SEMA4F: variants seen among roughly 807,000 people sequenced by gnomAD.
SEMA4F encodes the protein ssemaphorin 4F, also known as semaphorin-4F.
Under a neutral mutation model 78.4 loss-of-function variants are expected in SEMA4F, and 51 were observed. That is an observed-to-expected ratio of 0.65 (90% CI 0.52 to 0.82). The LOEUF (loss-of-function observed/expected upper bound fraction) is 0.82. SEMA4F is among the 40% of genes least tolerant of loss of function. The probability of loss-of-function intolerance (pLI) is 0.00; values close to 1 mark genes in which losing one functional copy is unlikely to be tolerated. For missense variants in SEMA4F, 938 were observed against 1,014.4 expected, an observed-to-expected ratio of 0.92 and a Z score of 1.02; for synonymous variants, 418 against 408.7, an observed-to-expected ratio of 1.02 and a Z score of -0.27.
intron 5 of SEMA4F, among the ~76,000 whole-genome samples, chr2:74,671,743 T>C (rs1339791594): frequency 6.6e-6 from 1 of 152,238 alleles, no homozygotes; most frequent in Non-Finnish European, 1.5e-5. Flanking sequence ...AGTGGACTTA[T>C]TTCCTCTCCA....
chr2:74,685,672 T>C (rs1232286365), downstream of SEMA4F, among the ~76,000 whole-genome samples: 1 of 152,098 alleles, frequency 6.6e-6, no homozygotes, highest in Non-Finnish European at 1.5e-5. Flanking sequence ...GATTAAATTG[T>C]CAGAACGAGG....
chr2:74,704,749 C>T, the SEMA4F span, among the ~76,000 whole-genome samples: 3 of 152,102 alleles, frequency 2.0e-5, no homozygotes, highest in East Asian at 5.8e-4. Context: ...CCTAGCAGAA[C>T]CCCAGTTGCC....
At chr2:74,708,458 A>C in the SEMA4F span, among the ~76,000 whole-genome samples, 47 of 151,912 alleles carry the variant, frequency 3.1e-4, no homozygotes, top group African/African-American at 1.1e-3. Context: ...GGGACCTGGA[A>C]CTCTCACCCT....
At chr2:74,704,813 C>T in the SEMA4F span, among the ~76,000 whole-genome samples, 45 of 152,234 alleles carry the variant, frequency 3.0e-4, no homozygotes, top group Non-Finnish European at 4.7e-4. Flanking sequence ...TCTCCAAACC[C>T]GGCCCCATAA....
At chr2:74,707,715 C>T in the SEMA4F span, among the ~76,000 whole-genome samples, 1 of 152,126 alleles carries the variant, frequency 6.6e-6, no homozygotes, top group African/African-American at 2.4e-5. Flanking sequence ...CTCCAGCTTA[C>T]AGCCCTGAAG....
At chr2:74,687,939 A>G (rs1685854028), downstream of SEMA4F, among the ~76,000 whole-genome samples, 1 of 152,184 alleles carries the variant, frequency 6.6e-6, no homozygotes, top group African/African-American at 2.4e-5. Context: ...CTTTGCAAGC[A>G]TAAATTCCCT....
rs143338912 is a variant in SEMA4F at position 74,679,769 on chromosome 2, G to A, written c.1873G>A (p.Ala625Thr). 41 of 1,614,210 alleles carry A rather than the reference G, an allele frequency of 2.5e-5. No individual in the cohort carries two copies. The African/African-American group carries it at 3.7e-4, about 15-fold the overall frequency. ...EVVVTPGAMG[A>T]YACECQEGGA... Reference sequence around the variant, plus strand: ...GGTGGTGACCCCAGGGGCCATGGGCGCTTATGCCTGTGAATGTCAGGAGGG... The same window carrying A: ...GGTGGTGACCCCAGGGGCCATGGGCACTTATGCCTGTGAATGTCAGGAGGG... The change falls in exon 14 of 14, where the codon GCT (alanine) becomes ACT (threonine). Residue 625 changes from alanine to threonine, a missense_variant. By Grantham distance (58) the Ala-to-Thr change is moderately conservative. Transcript: ENST00000357877.
chr2:74,687,348 C>T (rs1233147591), downstream of SEMA4F, among the ~76,000 whole-genome samples: 1 of 152,240 alleles, frequency 6.6e-6, no homozygotes, highest in African/African-American at 2.4e-5. Flanking sequence ...CTCCCAGTTA[C>T]TTCCTATCAC....
chr2:74,674,415 GGGAGGAAACTTAAATT>G lies in SEMA4F; in HGVS notation c.823-80_823-65del, dbSNP rs1444635642. ...CATCTGTCTGTCTGCCCTGAAGTCAGGGAGGAAACTTAAATTGGTCTCCATGCTCCTTGCCCAATGA... is the reference window on the plus strand; with the variant it reads ...CATCTGTCTGTCTGCCCTGAAGTCAGGGTCTCCATGCTCCTTGCCCAATGA... On this transcript the variant is annotated intron_variant, in intron 7 of 13. Coordinates refer to ENST00000357877, the MANE Select transcript of SEMA4F (RefSeq NM_004263.5). 8 of 1,313,698 alleles carry G rather than the reference GGGAGGAAACTTAAATT, an allele frequency of 6.1e-6. No individual in the cohort carries two copies. In the Admixed American group the frequency reaches 1.7e-4, roughly 29 times the overall value. 81.4% of individuals were successfully genotyped at this position (1,313,698 alleles called of 1,614,324 possible). A position where few individuals can be genotyped will look rare whatever the true frequency, so the allele number is the denominator to read the frequency against.
chr2:74,665,000 C>A (rs912591125), intron 5 of SEMA4F, among the ~76,000 whole-genome samples: 1 of 152,078 alleles, frequency 6.6e-6, no homozygotes, highest in Non-Finnish European at 1.5e-5. Flanking sequence ...TTTTTCCCAG[C>A]TAGCTAATCA....
chr2:74,666,514 TA>T (rs1004681988), intron 5 of SEMA4F, among the ~76,000 whole-genome samples: 1 of 152,178 alleles, frequency 6.6e-6, no homozygotes, highest in African/African-American at 2.4e-5. Context: ...TAGCTTCAGT[TA>T]ATGTGGAAAC....
chr2:74,662,878 C>T (rs1443619663), intron 5 of SEMA4F, 53 bp downstream of exon 5: 2 of 1,407,620 alleles, frequency 1.4e-6, no homozygotes. Context: ...CCTCCTTCCC[C>T]ACCCTTGCTG....
chr2:74,673,014 C>T (rs1424979924), intron 5 of SEMA4F, among the ~76,000 whole-genome samples: 2 of 152,168 alleles, frequency 1.3e-5, no homozygotes, highest in African/African-American at 4.8e-5. Context: ...AGTGTACGCC[C>T]ACTAATGTTC....
At chr2:74,661,407 GA>G (rs1192236796) in intron 4 of SEMA4F, among the ~76,000 whole-genome samples, 1 of 152,252 alleles carries the variant, frequency 6.6e-6, no homozygotes. Context: ...GTGGGTATTA[GA>G]ATAACTTGGT....
the SEMA4F span, among the ~76,000 whole-genome samples, chr2:74,709,212 G>A: frequency 2.0e-5 from 3 of 152,144 alleles, no homozygotes; most frequent in Non-Finnish European, 4.4e-5. Context: ...GTAAAACTAA[G>A]ACAAGACAGA....
downstream of SEMA4F, among the ~76,000 whole-genome samples, chr2:74,687,057 C>T (rs1685838541): frequency 2.0e-5 from 3 of 152,176 alleles, no homozygotes; most frequent in Admixed American, 2.0e-4. Context: ...CCTATCACTT[C>T]CCGTTACAAT....
Position 74,675,009 on chromosome 2 carries a change from G to A in SEMA4F, c.1123G>A (p.Asp375Asn). The A allele has an allele frequency of 6.2e-7, 1 of 1,613,966 alleles. No homozygotes were observed. The highest frequency in any genetic ancestry group is 1.1e-5 in the South Asian group (1 of 91,066). The change falls in exon 9 of 14, where the codon GAT (aspartate) becomes AAT (asparagine). Residue 375 changes from aspartate (D) to asparagine (N), a missense_variant. Physicochemically the swap from Asp to Asn is conservative, Grantham distance 23. Coordinates refer to ENST00000357877, the MANE Select transcript of SEMA4F (RefSeq NM_004263.5). ...CNRGLPVVDN[D>N]VPQPRPGECI... is the part of the protein sequence containing the mutation. The stretch of plus-strand genomic sequence containing the variant: ...CAGAGGACTGCCTGTCGTGGACAAT[G>A]ATGTGCCCCAGCCCAGACCTGGAGA...
the SEMA4F span, among the ~76,000 whole-genome samples, chr2:74,699,002 C>T: frequency 3.3e-5 from 5 of 151,806 alleles, no homozygotes; most frequent in East Asian, 1.9e-4. Flanking sequence ...TTTGTAGAGA[C>T]GGTGTCTCAC....
At chr2:74,661,173 G>A (rs1161433311) in intron 4 of SEMA4F, among the ~76,000 whole-genome samples, 1 of 152,214 alleles carries the variant, frequency 6.6e-6, no homozygotes, top group African/African-American at 2.4e-5. Context: ...TTTAGTCCTT[G>A]GAGAAATGTA....
Sources: allele counts gnomAD v4.1 joint callset (sites outside exome capture counted in the v4.1 genomes callset), GRCh38; gene constraint gnomAD v4.1.1; transcripts MANE v1.5; gene names NCBI Gene and HGNC (gene_info 2026-07-23, HGNC 2026-07-21).